The following SERPINB7 variants were observed in gnomAD, a reference collection of about 807,000 sequenced individuals.
The protein encoded by SERPINB7 is serpin family B member 7, also known as serpin B7.
In SERPINB7, 31 loss-of-function variants were observed where a neutral mutation model predicts 37.4. That is an observed-to-expected ratio of 0.83 (90% CI 0.62 to 1.12). SERPINB7 has a LOEUF of 1.12. Ranked by LOEUF, SERPINB7 falls within the 50% of genes most tolerant of loss-of-function variation. SERPINB7 has a pLI of 0.00. For missense variants in SERPINB7, 521 were observed against 455.3 expected (o/e 1.14, Z -1.31); for synonymous variants, 163 against 166.1 (o/e 0.98, Z 0.14).
chr18:63,763,179 G>A (rs2049163558), intron 1 of SERPINB7, among the ~76,000 whole-genome samples: 1 of 152,106 alleles, frequency 6.6e-6, no homozygotes, highest in African/African-American at 2.4e-5. Flanking sequence ...TAATCAAAGT[G>A]CTGACATAAT....
intron 2 of SERPINB7, among the ~76,000 whole-genome samples, chr18:63,788,745 T>C (rs539405660): frequency 6.6e-6 from 1 of 152,364 alleles, no homozygotes; most frequent in South Asian, 2.1e-4. Context: ...TACAGTTTTT[T>C]ACTATACCTT....
At chr18:63,791,679 C>T (rs745448123) in intron 2 of SERPINB7, among the ~76,000 whole-genome samples, 7 of 151,940 alleles carry the variant, frequency 4.6e-5, no homozygotes, top group African/African-American at 1.2e-4. Context: ...GGTGCTATCT[C>T]GGCTCACTGC....
At chr18:63,794,063 C>T in intron 4 of SERPINB7, among the ~76,000 whole-genome samples, 1 of 151,112 alleles carries the variant, frequency 6.6e-6, no homozygotes, top group Middle Eastern at 3.2e-3. Context: ...CCTGCCTCAG[C>T]TTCCCAAGTA....
chr18:63,788,859 A>C (rs1044204923), intron 2 of SERPINB7, among the ~76,000 whole-genome samples: 3 of 152,224 alleles, frequency 2.0e-5, no homozygotes, highest in Non-Finnish European at 4.4e-5. Context: ...ATTTGGGAGC[A>C]ATAGGCTATA....
At chr18:63,754,472 C>T (rs941808945) in intron 1 of SERPINB7, among the ~76,000 whole-genome samples, 2 of 152,066 alleles carry the variant, frequency 1.3e-5, no homozygotes, top group African/African-American at 4.8e-5. Flanking sequence ...AACAGATAAT[C>T]ATAAGAGGCA....
intron 7 of SERPINB7, among the ~76,000 whole-genome samples, chr18:63,801,393 G>C (rs1445204691): frequency 6.6e-6 from 1 of 152,146 alleles, no homozygotes; most frequent in Non-Finnish European, 1.5e-5. Flanking sequence ...ATAGAGTCCT[G>C]AGCCTTTTAG....
At chr18:63,757,096 A>G (rs1006755682) in intron 1 of SERPINB7, among the ~76,000 whole-genome samples, 4 of 151,402 alleles carry the variant, frequency 2.6e-5, no homozygotes, top group African/African-American at 9.7e-5. Context: ...TAAATTTGTT[A>G]AAGTCCCTTG....
At chr18:63,759,047 G>C (rs983340966) in intron 1 of SERPINB7, among the ~76,000 whole-genome samples, 1 of 152,186 alleles carries the variant, frequency 6.6e-6, no homozygotes, top group South Asian at 2.1e-4. Flanking sequence ...GTTTCTACTT[G>C]ATCATATGCA....
rs1358142116 is a variant in SERPINB7, at chr18:63,762,669, A to G, written c.-19+9549A>G. Among the ~76,000 whole-genome samples, 3 of 152,178 alleles carry G rather than the reference A, an allele frequency of 2.0e-5. No homozygotes were observed. The East Asian group carries it at 5.8e-4, about 29-fold the overall frequency. ...AGAGCAGAAAACTAACAAGAGTTAG[A>G]AGGCCTGATCTTTGCTGACACATTT... On this transcript the variant is annotated intron_variant, in intron 1 of 7. Coordinates refer to the SERPINB7 transcript ENST00000336429.
At chr18:63,759,742 C>A (rs141605062) in intron 1 of SERPINB7, among the ~76,000 whole-genome samples, 163 of 152,272 alleles carry the variant, frequency 1.1e-3, no homozygotes, top group African/African-American at 3.7e-3. Flanking sequence ...CCATGCTATT[C>A]TTGTCATAGT....
At chr18:63,769,257 TTTA>T (rs1262167226) in intron 1 of SERPINB7, among the ~76,000 whole-genome samples, 2 of 114,832 alleles carry the variant, frequency 1.7e-5, no homozygotes, top group Non-Finnish European at 4.3e-5. Flanking sequence ...TAAAAGTTTC[TTTA>T]TTTTTTCCAT....
At chr18:63,786,528 A>C (rs2049374889) in intron 2 of SERPINB7, among the ~76,000 whole-genome samples, 1 of 152,128 alleles carries the variant, frequency 6.6e-6, no homozygotes, top group South Asian at 2.1e-4. Flanking sequence ...ATAATATATT[A>C]CGTATTCTAC....
Position 63,793,248 on chromosome 18 carries a change from T to C in SERPINB7, c.307T>C (p.Phe103Leu), listed in dbSNP as rs997761846. ...TGATCTCAGCATTGTGAATGGGCTT[T>C]TTGCTGAAAAAGTGTATGGCTTTCA... ...DYDLSIVNGLFAEKVYGFHKD... is the reference protein window; with the variant it reads ...DYDLSIVNGLLAEKVYGFHKD... The change falls in exon 4 of 8, where the codon TTT becomes CTT. Residue 103 changes from phenylalanine (F) to leucine (L), a missense_variant. Physicochemically the swap from Phe to Leu is conservative, Grantham distance 22. Coordinates refer to ENST00000398019, the MANE Select transcript of SERPINB7 (RefSeq NM_003784.4). 1.2e-6 allele frequency: 2 copies of C among 1,603,076 alleles called. No individual in the cohort carries two copies. The highest frequency in any genetic ancestry group is 1.7e-6 in the Non-Finnish European group (2 of 1,173,188).
At chr18:63,765,897 T>C (rs1598991283) in intron 1 of SERPINB7, among the ~76,000 whole-genome samples, 1 of 152,268 alleles carries the variant, frequency 6.6e-6, no homozygotes, top group East Asian at 1.9e-4. Flanking sequence ...CATTTTTTCA[T>C]GTAATTAGAA....
At chr18:63,783,228 G>C (rs375092322) in intron 2 of SERPINB7, among the ~76,000 whole-genome samples, 1 of 47,326 alleles carries the variant, frequency 2.1e-5, no homozygotes, top group South Asian at 8.8e-4. Flanking sequence ...GAGAGAGAGA[G>C]AGAGAGAAAG....
intron 1 of SERPINB7, among the ~76,000 whole-genome samples, chr18:63,765,837 G>T (rs1216383578): frequency 6.6e-6 from 1 of 152,092 alleles, no homozygotes; most frequent in African/African-American, 2.4e-5. Flanking sequence ...TATAGCGTGT[G>T]TTTAATGTAT....
intron 4 of SERPINB7, among the ~76,000 whole-genome samples, chr18:63,795,828 C>G (rs2049481838): frequency 6.6e-6 from 1 of 152,074 alleles, no homozygotes; most frequent in South Asian, 2.1e-4. Context: ...ATGACGTAAG[C>G]AGGGTGGGGA....
chr18:63,753,788 T>A (rs923015032), intron 1 of SERPINB7, among the ~76,000 whole-genome samples: 2 of 152,310 alleles, frequency 1.3e-5, no homozygotes, highest in African/African-American at 2.4e-5. Flanking sequence ...TTCAAAAAAA[T>A]TTTTTAGTAA....
At chr18:63,772,209 C>A (rs889055021), upstream of SERPINB7, among the ~76,000 whole-genome samples, 3 of 151,872 alleles carry the variant, frequency 2.0e-5, no homozygotes, top group African/African-American at 7.3e-5. Context: ...TAAATAATGT[C>A]TAAAGTTTCC....
Sources: allele counts gnomAD v4.1 joint callset (sites outside exome capture counted in the v4.1 genomes callset), GRCh38; gene constraint gnomAD v4.1.1; transcripts MANE v1.5; gene names NCBI Gene and HGNC (gene_info 2026-07-23, HGNC 2026-07-21).